The following ADGRV1 variants were observed in gnomAD, a reference collection of about 807,000 sequenced individuals.
ADGRV1 encodes adhesion G protein-coupled receptor V1.
In ADGRV1, 359 loss-of-function variants were observed where a neutral mutation model predicts 596.2. The observed-to-expected ratio is 0.60, with a 90% CI of 0.55 to 0.66. ADGRV1 has a LOEUF of 0.66. Ranked by LOEUF, ADGRV1 falls within the 30% of genes least tolerant of loss-of-function variation. The pLI is 0.00. For synonymous variants in ADGRV1, 2,681 were observed against 2,679.2 expected (o/e 1.00, Z -0.02); for missense variants, 7,274 against 7,575.6 (o/e 0.96, Z 1.48).
chr5:90,987,097 C>G (rs1240842682), intron 85 of ADGRV1, among the ~76,000 whole-genome samples: 4 of 152,154 alleles, frequency 2.6e-5, no homozygotes. Flanking sequence ...CCTTCTTAAG[C>G]TTTTGGTAAA....
chr5:90,822,986 T>G (rs1020543939), intron 75 of ADGRV1, among the ~76,000 whole-genome samples: 1 of 152,332 alleles, frequency 6.6e-6, no homozygotes, highest in South Asian at 2.1e-4. Flanking sequence ...TTTTGTATCC[T>G]GAGACTTTGC....
intron 69 of ADGRV1, among the ~76,000 whole-genome samples, chr5:90,790,382 A>G (rs965823636): frequency 2.0e-5 from 3 of 152,304 alleles, no homozygotes; most frequent in South Asian, 4.1e-4. Flanking sequence ...CTCTTTCTGT[A>G]TTGGATATTA....
intron 21 of ADGRV1, 82 bp from the exon 22 acceptor site, chr5:90,672,464 A>G: frequency 8.8e-7 from 1 of 1,142,546 alleles, no homozygotes; most frequent in Non-Finnish European, 1.3e-6. Flanking sequence ...AGTTTATGGT[A>G]AAAGGATTTC....
chr5:91,017,198 T>C (rs1783244471), intron 85 of ADGRV1, among the ~76,000 whole-genome samples: 1 of 152,014 alleles, frequency 6.6e-6, no homozygotes, highest in Non-Finnish European at 1.5e-5. Context: ...TAAGAGGTGC[T>C]GTTCTGTCTT....
intron 86 of ADGRV1, among the ~76,000 whole-genome samples, chr5:91,082,863 T>A (rs79386690): frequency 0.01 from 1,559 of 152,300 alleles, 22 homozygotes; most frequent in African/African-American, 0.036. Flanking sequence ...TTATTTGTTG[T>A]TATTTTCATT....
intron 87 of ADGRV1, among the ~76,000 whole-genome samples, chr5:91,126,524 TGAGGTCAGCCCCCCA>T (rs1793771422): frequency 6.6e-6 from 1 of 152,254 alleles, no homozygotes; most frequent in African/African-American, 2.4e-5. Flanking sequence ...GAAGTAGAAA[TGAGGTCAGCCCCCCA>T]GAGCAGTCTG....
Position 90,724,861 on chromosome 5 carries a change from C to A in ADGRV1, c.9778C>A (p.Gln3260Lys). 6.2e-7 allele frequency: 1 copy of A among 1,613,096 alleles called. No homozygotes were observed. The highest frequency in any genetic ancestry group is 8.5e-7 in the Non-Finnish European group (1 of 1,179,448). The change falls in exon 46 of 90, where the codon CAA becomes AAA. Residue 3260 changes from glutamine to lysine, a missense_variant. This residue lies in a region of ADGRV1 where 3,643 missense variants were observed against 3,809.2 expected (regional missense o/e 0.96). Coordinates refer to ENST00000405460, the MANE Select transcript of ADGRV1 (RefSeq NM_032119.4). ...AATGGATGTTGTGTTTTCCGTATTT[C>A]AAAGTTTTTTGGATGAATCAGCTTC... The part of the protein sequence containing the change: ...RGMDVVFSVF[Q>K]SFLDESASGW...
chr5:90,691,150 C>G, intron 31 of ADGRV1, 109 bp downstream of exon 31: 3 of 1,350,188 alleles, frequency 2.2e-6, no homozygotes, highest in Non-Finnish European at 3.2e-6. Flanking sequence ...ATAAATTATT[C>G]CTGCAAGAAT....
Position 90,710,068 on chromosome 5 carries a change from C to T in ADGRV1, c.8825-913C>T, listed in dbSNP as rs113514860. On this transcript the variant is annotated intron_variant, in intron 39 of 89. Transcript: ENST00000405460. ...GATTTTAGAATCTCTGCTTTTTAGC[C>T]TCTTGTCTGATGGATGCAAACCCTG... Among the ~76,000 whole-genome samples the T allele has an allele frequency of 4.2e-3, 646 of 152,270 alleles. 3 individuals carry two copies. Among genetic ancestry groups the T allele is most frequent in the African/African-American group, 0.015 (619 of 41,550 alleles).
intron 85 of ADGRV1, among the ~76,000 whole-genome samples, chr5:91,009,325 T>A (rs1264650032): frequency 6.6e-6 from 1 of 152,138 alleles, no homozygotes; most frequent in African/African-American, 2.4e-5. Context: ...ATAAAAACTC[T>A]TATAGACTCA....
At chr5:90,848,030 G>A (rs542097385) in intron 78 of ADGRV1, among the ~76,000 whole-genome samples, 21 of 152,092 alleles carry the variant, frequency 1.4e-4, no homozygotes, top group East Asian at 3.9e-4. Flanking sequence ...TCAGTCCCCC[G>A]TCATTTTGGA....
intron 83 of ADGRV1, among the ~76,000 whole-genome samples, chr5:90,878,732 A>G (rs539175868): frequency 5.9e-5 from 9 of 152,334 alleles, no homozygotes; most frequent in African/African-American, 2.2e-4. Flanking sequence ...TAATCTCAGG[A>G]GTGCTGGGGA....
At position 90,653,763 on chromosome 5, in the gene ADGRV1, TC is replaced by T. The variant is rs867985408; in HGVS notation, c.4192del (p.Leu1398PhefsTer19). ...IQTNESHVTL[S>X]LHYKTLGSNA... ...AACAAACGAATCCCATGTGACACTT[TC>T]CCTTCATTATAAAACCTTGGGTTCC... On this transcript the variant is annotated frameshift_variant, in exon 20 of 90. Transcript: ENST00000405460. LOFTEE classifies it high-confidence loss of function. 3 of 1,613,200 alleles carry T rather than the reference TC, an allele frequency of 1.9e-6. No homozygotes were observed. Among genetic ancestry groups the T allele is most frequent in the South Asian group, 2.2e-5 (2 of 90,910 alleles).
At chr5:90,606,233 CTAAA>C (rs1198995857) in intron 1 of ADGRV1, among the ~76,000 whole-genome samples, 2 of 152,186 alleles carry the variant, frequency 1.3e-5, no homozygotes, top group African/African-American at 4.8e-5. Context: ...TCTGACAAAA[CTAAA>C]TAAGGCAAGG....
At chr5:91,099,181 G>A (rs528042165) in intron 86 of ADGRV1, among the ~76,000 whole-genome samples, 102 of 151,836 alleles carry the variant, frequency 6.7e-4, no homozygotes, top group Non-Finnish European at 1.2e-3. Flanking sequence ...TCCCTGTACA[G>A]TTATAATAAT....
intron 83 of ADGRV1, among the ~76,000 whole-genome samples, chr5:90,948,367 G>A (rs1776773933): frequency 6.6e-6 from 1 of 152,022 alleles, no homozygotes; most frequent in Non-Finnish European, 1.5e-5. Context: ...GGTGACCACG[G>A]AACCTAAGTT....
intron 84 of ADGRV1, among the ~76,000 whole-genome samples, chr5:90,980,239 GACTATTT>G (rs1194281453): frequency 6.6e-6 from 1 of 152,116 alleles, no homozygotes; most frequent in African/African-American, 2.4e-5. Flanking sequence ...TTAAAGATGA[GACTATTT>G]AGTAACATCA....
chr5:90,727,623 G>A (rs889486193), intron 48 of ADGRV1, among the ~76,000 whole-genome samples: 1 of 152,126 alleles, frequency 6.6e-6, no homozygotes, highest in East Asian at 1.9e-4. Flanking sequence ...GCTTAACATA[G>A]GATAGCTATA....
intron 84 of ADGRV1, among the ~76,000 whole-genome samples, 189 bp from the exon 85 acceptor site, chr5:90,985,155 C>G (rs1036844526): frequency 4.3e-4 from 66 of 152,018 alleles, no homozygotes; most frequent in African/African-American, 1.6e-3. Flanking sequence ...TTGAGGTATC[C>G]TGAATTTCTT....
Sources: allele counts gnomAD v4.1 joint callset (sites outside exome capture counted in the v4.1 genomes callset), GRCh38; gene constraint gnomAD v4.1.1; regional missense constraint gnomAD v4.1.1; transcripts MANE v1.5; gene names NCBI Gene and HGNC (gene_info 2026-07-23, HGNC 2026-07-21).